Variants in STYK1 observed in about 807,000 individuals in gnomAD.
STYK1 encodes the protein STY kinase 1.
STYK1 carries 46 observed loss-of-function variants against 48.1 expected under a neutral mutation model. The observed-to-expected ratio is 0.96, with a 90% CI of 0.75 to 1.22. The LOEUF (loss-of-function observed/expected upper bound fraction) is 1.22, where lower values mean the gene tolerates loss of function less well. Ranked by LOEUF, STYK1 falls within the 50% of genes most tolerant of loss-of-function variation. STYK1 has a pLI of 0.00. For synonymous variants in STYK1, 188 were observed against 189.0 expected, an observed-to-expected ratio of 0.99 and a Z score of 0.04; for missense variants, 527 against 521.1, an observed-to-expected ratio of 1.01 and a Z score of -0.11.
chr12:10,669,103 T>C (rs1378716129), intron 1 of STYK1, among the ~76,000 whole-genome samples: 3 of 152,214 alleles, frequency 2.0e-5, no homozygotes, highest in African/African-American at 7.2e-5. Flanking sequence ...AAGAGCAGTG[T>C]CTGGCATATA....
At chr12:10,634,785 G>C in intron 2 of STYK1, 99 bp from the exon 3 acceptor site, 1 of 669,274 alleles carries the variant, frequency 1.5e-6, no homozygotes, top group Admixed American at 2.8e-5. Context: ...CACTAGTTAA[G>C]TAAATGGCTA....
intron 8 of STYK1, among the ~76,000 whole-genome samples, chr12:10,623,814 T>A (rs761185004): frequency 3.9e-5 from 6 of 152,146 alleles, no homozygotes; most frequent in Non-Finnish European, 5.9e-5. Flanking sequence ...AAATAAATCA[T>A]TTTTATTTAC....
rs1361201323 is a variant in STYK1, at chr12:10,672,013, G to T, written c.-195+1953C>A. The stretch of plus-strand genomic sequence containing the variant: ...TAGTGCAGAGATAATCAATTAAAAT[G>T]AGGTAATTAGGATGGACCCTAATCC... On this transcript the variant is annotated intron_variant, in intron 1 of 10. Coordinates refer to ENST00000075503, the MANE Select transcript of STYK1 (RefSeq NM_018423.3). This position sits in a 1 kb window ranked among gnomAD's most constrained non-coding sequence, Gnocchi z 4.0. 1.3e-5 allele frequency among the ~76,000 whole-genome samples: 2 copies of T among 152,196 alleles called. No individual in the cohort carries two copies. The highest frequency in any genetic ancestry group is 2.4e-5 in the African/African-American group (1 of 41,442).
intron 8 of STYK1, among the ~76,000 whole-genome samples, chr12:10,624,390 C>G (rs936848133): frequency 2.0e-5 from 3 of 151,902 alleles, no homozygotes; most frequent in East Asian, 3.9e-4. Context: ...TGCCACTTCA[C>G]TTCAGCCTGG....
At chr12:10,671,237 G>T (rs1309151833) in intron 1 of STYK1, among the ~76,000 whole-genome samples, 2 of 151,876 alleles carry the variant, frequency 1.3e-5, no homozygotes, top group South Asian at 2.1e-4. Flanking sequence ...CTCGTGATCC[G>T]CCCACCTCAG....
At position 10,632,916 on chromosome 12, in the gene STYK1, G is replaced by T. The variant is rs6650203; in HGVS notation, c.187+1074C>A. On this transcript the variant is annotated intron_variant, in intron 4 of 10. Transcript: ENST00000075503. ...ACTTGCCATTTACTAAGATAGGCAA[G>T]ACTATTTGCGGAGGACATTTATGAG... Among the ~76,000 whole-genome samples the T allele has an allele frequency of 3.3e-4, 47 of 143,000 alleles. 1 individual carries two copies. The highest frequency in any genetic ancestry group is 1.1e-3 in the African/African-American group (44 of 40,178). 93.8% of individuals were successfully genotyped at this position (143,000 alleles called of 152,430 possible).
Position 10,634,015 on chromosome 12 carries a change from AGTT to A in STYK1, c.159_161del (p.Arg53_Thr54delinsSer). Reference sequence around the variant, plus strand: ...CTTGAGGTCCAGAACGCTGCTGTTGAGTTCTTTGTTCTCTGATAAAAAGCCACA... The same window carrying A: ...CTTGAGGTCCAGAACGCTGCTGTTGACTTTGTTCTCTGATAAAAAGCCACA... On this transcript the variant is annotated inframe_deletion, in exon 4 of 11. Coordinates refer to ENST00000075503, the MANE Select transcript of STYK1 (RefSeq NM_018423.3). 2 of 1,614,044 alleles carry A rather than the reference AGTT, an allele frequency of 1.2e-6. No individual in the cohort carries two copies. Among genetic ancestry groups the A allele is most frequent in the Non-Finnish European group, 1.7e-6 (2 of 1,179,982 alleles).
intron 1 of STYK1, among the ~76,000 whole-genome samples, chr12:10,660,711 T>C (rs1306264332): frequency 6.6e-6 from 1 of 152,178 alleles, no homozygotes; most frequent in African/African-American, 2.4e-5. Context: ...CTGGTCATCC[T>C]CATTGCTCAT....
intron 1 of STYK1, among the ~76,000 whole-genome samples, chr12:10,655,506 C>G (rs986109242): frequency 2.0e-5 from 3 of 152,182 alleles, no homozygotes; most frequent in Non-Finnish European, 4.4e-5. Flanking sequence ...GTTCAGCGTT[C>G]AATTTCTGGT....
chr12:10,660,252 T>C (rs1389470890), intron 1 of STYK1, among the ~76,000 whole-genome samples: 1 of 152,224 alleles, frequency 6.6e-6, no homozygotes, highest in Non-Finnish European at 1.5e-5. Flanking sequence ...CTTATTAATC[T>C]TCCAGATATT....
intron 1 of STYK1, among the ~76,000 whole-genome samples, chr12:10,654,246 C>A (rs1181889142): frequency 6.6e-6 from 1 of 152,172 alleles, no homozygotes; most frequent in East Asian, 1.9e-4. Context: ...GAATAATCTA[C>A]CCCTTGTTTA....
rs769045246 is a variant in STYK1 at position 10,629,592 on chromosome 12, C to A, written c.534G>T (p.Val178=). Residue 178 remains valine, a synonymous_variant, in exon 6 of 11, where the codon GTG becomes GTT. Transcript: ENST00000075503. ...HQYLGKHKNL[V]QLEGCCTEKL... ...TTTCAGTGCAGCAGCCTTCCAGCTG[C>A]ACCAGGTTTTTGTGTTTCCCCAGGT... 6.2e-7 allele frequency: 1 copy of A among 1,614,186 alleles called. No homozygotes were observed. Among genetic ancestry groups the A allele is most frequent in the Non-Finnish European group, 8.5e-7 (1 of 1,180,034 alleles).
At chr12:10,625,560 G>A (rs888424188) in intron 7 of STYK1, among the ~76,000 whole-genome samples, 2 of 152,018 alleles carry the variant, frequency 1.3e-5, no homozygotes, top group Admixed American at 6.6e-5. Flanking sequence ...AATGTAATAC[G>A]TACCAAAATT....
chr12:10,646,490 G>T (rs374945015), intron 1 of STYK1, among the ~76,000 whole-genome samples: 40 of 152,308 alleles, frequency 2.6e-4, no homozygotes, highest in African/African-American at 9.4e-4. Context: ...GCATTCAAGA[G>T]GTGACTTGGG....
Position 10,624,763 on chromosome 12 carries a change from G to C in STYK1, c.814C>G (p.Leu272Val), listed in dbSNP as rs749741594. The change falls in exon 8 of 11, where the codon CTG (leucine) becomes GTG (valine). Residue 272 changes from leucine (L) to valine (V), a missense_variant. Leu to Val is a conservative substitution (Grantham distance 32). Transcript: ENST00000075503. ...DLTAKLCGLG[L>V]AYEVYTRGAI... ...CCTCGGGTGTAAACTTCATAAGCCAGGCCTAATCCACAGAGCTTAGCAGTG... is the reference window on the plus strand; with the variant it reads ...CCTCGGGTGTAAACTTCATAAGCCACGCCTAATCCACAGAGCTTAGCAGTG... The C allele has an allele frequency of 1.9e-6, 3 of 1,614,106 alleles. No individual in the cohort carries two copies. The highest frequency in any genetic ancestry group is 2.5e-6 in the Non-Finnish European group (3 of 1,180,024).
In STYK1 at chr12:10,620,344, T is replaced by TGAA; in HGVS notation, c.1068_1069insTTC (p.Tyr356_Ser357insPhe). On this transcript the variant is annotated inframe_insertion, in exon 11 of 11. Transcript: ENST00000075503. ...CAGCGCCAGCAGGACTTCATGATAC[T>TGAA]GTACCTGAGAGGGAAACAAGAGAAA... The TGAA allele has an allele frequency of 9.3e-6, 15 of 1,612,744 alleles. No homozygotes were observed. Among genetic ancestry groups the TGAA allele is most frequent in the Non-Finnish European group, 1.2e-5 (14 of 1,179,968 alleles).
At chr12:10,639,467 T>G (rs1264741667) in intron 1 of STYK1, among the ~76,000 whole-genome samples, 1 of 151,442 alleles carries the variant, frequency 6.6e-6, no homozygotes, top group African/African-American at 2.4e-5. Flanking sequence ...CAGGCTGGAG[T>G]GCAATGGCGT....
chr12:10,644,489 T>G (rs1947578654), intron 1 of STYK1, among the ~76,000 whole-genome samples: 1 of 152,258 alleles, frequency 6.6e-6, no homozygotes, highest in African/African-American at 2.4e-5. Flanking sequence ...TTTTTGCAAC[T>G]ACTTGTGAAC....
chr12:10,659,206 T>A (rs1397147678), intron 1 of STYK1, among the ~76,000 whole-genome samples: 3 of 152,224 alleles, frequency 2.0e-5, no homozygotes, highest in Non-Finnish European at 2.9e-5. Context: ...TTCTTTGCTT[T>A]GTTTTTCAGA....
Sources: gnomAD v4.1 joint callset for allele counts (sites outside exome capture counted in the v4.1 genomes callset) on GRCh38, gnomAD v4.1.1 for gene constraint, Gnocchi (gnomAD v3.1) non-coding constraint, MANE v1.5 for transcripts, NCBI Gene and HGNC (gene_info 2026-07-23, HGNC 2026-07-21) for gene names.